GMDS: variants seen among roughly 807,000 people sequenced by gnomAD.
GMDS encodes GDP-mannose 4,6-dehydratase.
A neutral mutation model predicts 49.9 loss-of-function variants in GMDS; 20 were observed. The observed-to-expected ratio is 0.40, with a 90% CI of 0.28 to 0.58. GMDS has a LOEUF of 0.58. Among genes scored for constraint, GMDS ranks in the 20% least tolerant of loss-of-function variants. GMDS has a pLI of 0.42. For missense variants in GMDS, 362 were observed against 481.4 expected (o/e 0.75, Z 2.32); for synonymous variants, 177 against 178.6 (o/e 0.99, Z 0.07).
chr6:2,154,679 G>A (rs752347454), intron 1 of GMDS, among the ~76,000 whole-genome samples: 1 of 151,758 alleles, frequency 6.6e-6, no homozygotes, highest in Non-Finnish European at 1.5e-5. Context: ...AGGGTTTATA[G>A]TATTAATAAT....
At chr6:1,737,001 A>C (rs1054957725) in intron 8 of GMDS, among the ~76,000 whole-genome samples, 1 of 152,170 alleles carries the variant, frequency 6.6e-6, no homozygotes, top group Non-Finnish European at 1.5e-5. Context: ...CAGAGGCTTC[A>C]TGAAGCTTAG....
At chr6:1,667,491 G>GAGA (rs1303239727) in intron 9 of GMDS, among the ~76,000 whole-genome samples, 1 of 152,208 alleles carries the variant, frequency 6.6e-6, no homozygotes, top group African/African-American at 2.4e-5. Flanking sequence ...AGTCAGCAGT[G>GAGA]AGAAGAAGCT....
At chr6:1,748,364 T>G (rs6907671) in intron 7 of GMDS, among the ~76,000 whole-genome samples, 1 of 152,116 alleles carries the variant, frequency 6.6e-6, no homozygotes, top group Admixed American at 6.5e-5. Flanking sequence ...CTCTTTTGTT[T>G]TATCTTTTAC....
intron 7 of GMDS, among the ~76,000 whole-genome samples, chr6:1,848,710 G>T (rs990365810): frequency 6.6e-6 from 1 of 152,164 alleles, no homozygotes; most frequent in Admixed American, 6.5e-5. Context: ...GCATAGGGCT[G>T]GACTTCATGG....
At chr6:1,790,486 C>T (rs1361794352) in intron 7 of GMDS, among the ~76,000 whole-genome samples, 1 of 152,190 alleles carries the variant, frequency 6.6e-6, no homozygotes, top group Admixed American at 6.5e-5. Context: ...GACTCTAGCA[C>T]CTAAACTCGT....
At chr6:1,973,443 G>T (rs954121153) in intron 4 of GMDS, among the ~76,000 whole-genome samples, 1 of 152,140 alleles carries the variant, frequency 6.6e-6, no homozygotes, top group Non-Finnish European at 1.5e-5. Flanking sequence ...TATATGAGGG[G>T]TATTTAGCCA....
chr6:1,940,175 G>GTGCA (rs35317970), intron 6 of GMDS, among the ~76,000 whole-genome samples: 63,144 of 151,752 alleles, frequency 0.42, 13,534 homozygotes, highest in Middle Eastern at 0.49. Flanking sequence ...GATTGTATAT[G>GTGCA]TGCATGCATG....
chr6:2,062,916 T>G (rs1771276446), intron 4 of GMDS, among the ~76,000 whole-genome samples: 4 of 152,366 alleles, frequency 2.6e-5, no homozygotes, highest in Admixed American at 2.6e-4. Flanking sequence ...TCTTTCTCAC[T>G]TGTAAGGGTT....
intron 1 of GMDS, among the ~76,000 whole-genome samples, chr6:2,154,885 A>C: frequency 6.7e-6 from 1 of 150,350 alleles, no homozygotes; most frequent in Non-Finnish European, 1.5e-5. Flanking sequence ...AAAAAAAAAA[A>C]AGACAAAAAC....
At chr6:1,783,600 A>C (rs1769198632) in intron 7 of GMDS, among the ~76,000 whole-genome samples, 1 of 152,240 alleles carries the variant, frequency 6.6e-6, no homozygotes, top group Non-Finnish European at 1.5e-5. Context: ...TAAAATGCAC[A>C]CTGAATAAAT....
chr6:1,893,529 C>T (rs988700042), intron 7 of GMDS, among the ~76,000 whole-genome samples: 2 of 152,206 alleles, frequency 1.3e-5, no homozygotes, highest in Non-Finnish European at 1.5e-5. Flanking sequence ...CCTTCTCCAT[C>T]CTCTTTTTCA....
At chr6:1,944,162 C>T (rs1397464147) in intron 6 of GMDS, among the ~76,000 whole-genome samples, 3 of 152,140 alleles carry the variant, frequency 2.0e-5, no homozygotes, top group South Asian at 2.1e-4. Flanking sequence ...GCTCCCATCT[C>T]GACTCGGAAG....
intron 4 of GMDS, among the ~76,000 whole-genome samples, chr6:2,107,978 A>T (rs2127492635): frequency 6.6e-6 from 1 of 152,346 alleles, no homozygotes; most frequent in South Asian, 2.1e-4. Context: ...TGCTCTGAGC[A>T]CATCTAAAAA....
chr6:1,895,950 T>C (rs1443129182), intron 7 of GMDS, among the ~76,000 whole-genome samples: 1 of 152,154 alleles, frequency 6.6e-6, no homozygotes, highest in African/African-American at 2.4e-5. Flanking sequence ...CGAGCCACAG[T>C]GCAGGCACTG....
intron 7 of GMDS, among the ~76,000 whole-genome samples, chr6:1,781,154 A>G (rs910257376): frequency 5.9e-5 from 9 of 151,902 alleles, no homozygotes; most frequent in Non-Finnish European, 1.0e-4. Context: ...TTGCTGACCA[A>G]CAGTAAGAAA....
intron 4 of GMDS, among the ~76,000 whole-genome samples, chr6:2,050,265 T>TGTAGA (rs1362288431): frequency 6.6e-6 from 1 of 152,112 alleles, no homozygotes; most frequent in Non-Finnish European, 1.5e-5. Context: ...ACAAATAAAC[T>TGTAGA]GGAACATGTA....
chr6:1,832,702 T>G (rs3778533), intron 7 of GMDS, among the ~76,000 whole-genome samples: 1 of 152,096 alleles, frequency 6.6e-6, no homozygotes, highest in Admixed American at 6.5e-5. Flanking sequence ...TTAGCTTGAC[T>G]GCAAAGCTCT....
chr6:1,905,157 C>T (rs538720264), intron 7 of GMDS, among the ~76,000 whole-genome samples: 1 of 152,364 alleles, frequency 6.6e-6, no homozygotes, highest in Admixed American at 6.5e-5. Context: ...GCAGCGAGCA[C>T]TTATTCTCAG....
chr6:1,628,855 T>G (rs1762918320), intron 9 of GMDS, among the ~76,000 whole-genome samples: 1 of 152,202 alleles, frequency 6.6e-6, no homozygotes, highest in Admixed American at 6.5e-5. Flanking sequence ...CTTAATATTC[T>G]TTTTTTCCCT....
Sources: gnomAD v4.1 joint callset for allele counts (sites outside exome capture counted in the v4.1 genomes callset) on GRCh38, gnomAD v4.1.1 for gene constraint, MANE v1.5 for transcripts, NCBI Gene and HGNC (gene_info 2026-07-23, HGNC 2026-07-21) for gene names.